Variants in CHRM2 observed in about 807,000 individuals in gnomAD.
CHRM2 encodes cholinergic receptor muscarinic 2.
Under a neutral mutation model 25.0 loss-of-function variants are expected in CHRM2, and 8 were observed. That is an observed-to-expected ratio of 0.32 (90% confidence interval 0.19 to 0.58). CHRM2 has a LOEUF of 0.58. Among genes scored for constraint, CHRM2 ranks in the 20% least tolerant of loss-of-function variants. CHRM2 has a pLI of 0.88. For missense variants in CHRM2, 440 were observed against 567.1 expected, an observed-to-expected ratio of 0.78 and a Z score of 2.28; for synonymous variants, 202 against 205.7, an observed-to-expected ratio of 0.98 and a Z score of 0.15.
intron 2 of CHRM2, among the ~76,000 whole-genome samples, chr7:136,930,880 G>A (rs1799046056): frequency 9.1e-6 from 1 of 109,450 alleles, no homozygotes. Flanking sequence ...CTGGGCTACA[G>A]AGCCAGACTC....
At chr7:136,932,898 C>T (rs373348330) in intron 2 of CHRM2, among the ~76,000 whole-genome samples, 3 of 152,164 alleles carry the variant, frequency 2.0e-5, no homozygotes, top group East Asian at 1.9e-4. Context: ...GGCATGGTGG[C>T]GTGCACCTGT....
At chr7:136,902,205 A>ATCTG (rs1797255537) in intron 2 of CHRM2, 1 of 140,200 alleles carries the variant, frequency 7.1e-6, no homozygotes, top group African/African-American at 2.6e-5. Context: ...CTATCTATCG[A>ATCTG]TCTATCTATC....
intron 2 of CHRM2, among the ~76,000 whole-genome samples, chr7:136,925,233 T>C (rs903006502): frequency 6.6e-6 from 1 of 152,118 alleles, no homozygotes; most frequent in South Asian, 2.1e-4. Flanking sequence ...TATGTTTATG[T>C]TGGCCTTATC....
chr7:136,968,991 C>A (rs1244255630), intron 2 of CHRM2, among the ~76,000 whole-genome samples: 1 of 151,720 alleles, frequency 6.6e-6, no homozygotes, highest in East Asian at 1.9e-4. Context: ...CTCATCAGAG[C>A]CTGTGTGAAT....
intron 2 of CHRM2, among the ~76,000 whole-genome samples, chr7:136,905,386 A>T (rs1380471409): frequency 4.0e-5 from 6 of 151,674 alleles, no homozygotes; most frequent in African/African-American, 1.4e-4. Context: ...CTTATTTTTT[A>T]AAATAAATCT....
intron 2 of CHRM2, among the ~76,000 whole-genome samples, chr7:136,886,710 A>G (rs1796479292): frequency 6.6e-6 from 1 of 151,922 alleles, no homozygotes; most frequent in South Asian, 2.1e-4. Flanking sequence ...TACAAAAAAT[A>G]CAAAAAAAAA....
At chr7:136,908,719 C>A (rs562246691) in intron 2 of CHRM2, among the ~76,000 whole-genome samples, 1 of 151,840 alleles carries the variant, frequency 6.6e-6, no homozygotes, top group African/African-American at 2.4e-5. Flanking sequence ...AAATTTCTGA[C>A]GGAATTAATT....
intron 3 of CHRM2, among the ~76,000 whole-genome samples, chr7:137,009,652 T>A (rs1176283715): frequency 1.3e-5 from 2 of 152,058 alleles, no homozygotes; most frequent in Non-Finnish European, 2.9e-5. Context: ...AAACTGAGTA[T>A]TCATAGTAGA....
intron 3 of CHRM2, among the ~76,000 whole-genome samples, chr7:137,005,705 T>C (rs1392230058): frequency 1.3e-5 from 2 of 152,224 alleles, no homozygotes; most frequent in South Asian, 2.1e-4. Flanking sequence ...TGTTTGGAGC[T>C]GCTCAGCTTC....
At chr7:136,962,186 G>A (rs1801131282) in intron 2 of CHRM2, among the ~76,000 whole-genome samples, 1 of 151,644 alleles carries the variant, frequency 6.6e-6, no homozygotes, top group Non-Finnish European at 1.5e-5. Context: ...CTAAACGAGT[G>A]CAGTGGTGCA....
intron 3 of CHRM2, among the ~76,000 whole-genome samples, chr7:137,000,268 G>A (rs759586170): frequency 7.6e-5 from 10 of 131,958 alleles, no homozygotes; most frequent in Non-Finnish European, 1.5e-4. Context: ...GCGCAATCTC[G>A]GCTCACTGCA....
Position 137,015,707 on chromosome 7 carries a change from A to G in CHRM2, c.842A>G (p.Glu281Gly). 1 of 1,613,306 alleles carries G rather than the reference A, an allele frequency of 6.2e-7. No individual in the cohort carries two copies. Among genetic ancestry groups the G allele is most frequent in the Non-Finnish European group, 8.5e-7 (1 of 1,179,566 alleles). ...TENCVQGEEKESSNDSTSVSA... is the reference protein window; with the variant it reads ...TENCVQGEEKGSSNDSTSVSA... Reference sequence around the variant, plus strand: ...AACTGTGTTCAGGGAGAGGAGAAGGAGAGCTCCAATGACTCCACCTCAGTC... The same window carrying G: ...AACTGTGTTCAGGGAGAGGAGAAGGGGAGCTCCAATGACTCCACCTCAGTC... Residue 281 changes from glutamate to glycine, a missense_variant, in exon 4 of 4, where the codon GAG becomes GGG. Transcript: ENST00000680005. This position sits in a 1 kb window ranked among gnomAD's most constrained non-coding sequence, Gnocchi z 5.1.
chr7:136,992,117 C>T (rs772045313), intron 2 of CHRM2, 70 bp from the exon 3 acceptor site: 11 of 152,088 alleles, frequency 7.2e-5, no homozygotes, highest in Non-Finnish European at 1.6e-4. Flanking sequence ...GACTAATATA[C>T]TCCATTTTTC....
intron 2 of CHRM2, among the ~76,000 whole-genome samples, chr7:136,953,839 T>C (rs949230210): frequency 4.6e-5 from 7 of 152,090 alleles, no homozygotes; most frequent in Non-Finnish European, 8.8e-5. Flanking sequence ...CCACTTGTCC[T>C]CAGAGAAGGT....
intron 3 of CHRM2, among the ~76,000 whole-genome samples, chr7:136,993,873 C>G (rs768287535): frequency 2.0e-5 from 3 of 152,038 alleles, no homozygotes; most frequent in South Asian, 2.1e-4. Flanking sequence ...ATTCAGCATG[C>G]ATAGAAATCA....
chr7:137,007,442 T>C (rs1156742576), intron 3 of CHRM2, among the ~76,000 whole-genome samples: 1 of 152,002 alleles, frequency 6.6e-6, no homozygotes, highest in African/African-American at 2.4e-5. Context: ...CATGATTTCT[T>C]AGCAGGGCCC....
At chr7:136,969,626 A>G (rs749485094) in intron 2 of CHRM2, among the ~76,000 whole-genome samples, 4 of 152,128 alleles carry the variant, frequency 2.6e-5, no homozygotes, top group Non-Finnish European at 5.9e-5. Flanking sequence ...GTGTTTCATT[A>G]TCACACTCCC....
chr7:136,927,149 T>G (rs1227295714), intron 2 of CHRM2, among the ~76,000 whole-genome samples: 1 of 152,240 alleles, frequency 6.6e-6, no homozygotes, highest in Non-Finnish European at 1.5e-5. Flanking sequence ...GCAAAGCTCT[T>G]AAAACAGCAC....
At chr7:137,002,066 G>GA (rs1262818298) in intron 3 of CHRM2, among the ~76,000 whole-genome samples, 1 of 152,006 alleles carries the variant, frequency 6.6e-6, no homozygotes, top group African/African-American at 2.4e-5. Context: ...GAGTAAGAAA[G>GA]AAAAAATATG....
Sources: gnomAD v4.1 joint callset for allele counts (sites outside exome capture counted in the v4.1 genomes callset) on GRCh38, gnomAD v4.1.1 for gene constraint, Gnocchi (gnomAD v3.1) non-coding constraint, MANE v1.5 for transcripts, NCBI Gene and HGNC (gene_info 2026-07-23, HGNC 2026-07-21) for gene names.